The following STRBP variants were observed in gnomAD, a reference collection of about 807,000 sequenced individuals.
The protein encoded by STRBP is spermatid perinuclear RNA-binding protein.
In STRBP, 13 loss-of-function variants were observed where a neutral mutation model predicts 80.1. The observed-to-expected ratio is 0.16, with a 90% CI of 0.11 to 0.26. The LOEUF (loss-of-function observed/expected upper bound fraction) is 0.26, where lower values mean the gene tolerates loss of function less well. STRBP is among the 10% of genes least tolerant of loss of function. STRBP has a pLI of 1.00. For missense variants in STRBP, 485 were observed against 815.2 expected (o/e 0.59, Z 4.93); for synonymous variants, 284 against 291.2 (o/e 0.98, Z 0.25).
rs71390418 is a variant in STRBP, at chr9:123,200,734, ATTTTTTTTTTT to A, written c.-164-16447_-164-16437del. On this transcript the variant is annotated intron_variant, in intron 2 of 18. Coordinates refer to ENST00000348403, the MANE Select transcript of STRBP (RefSeq NM_018387.5). Reference sequence around the variant, plus strand: ...AGGCGCCCCGCCACACACCCCGCTAATTTTTTTTTTTTTTTTTTTTTTTTTTTTAGTAGAGA... The same window carrying A: ...AGGCGCCCCGCCACACACCCCGCTAATTTTTTTTTTTTTTTTTAGTAGAGA... 2.9e-4 allele frequency among the ~76,000 whole-genome samples: 11 copies of A among 37,512 alleles called. 1 individual carries two copies. Among genetic ancestry groups the A allele is most frequent in the East Asian group, 1.7e-3 (2 of 1,180 alleles). 24.6% of individuals were successfully genotyped at this position (37,512 alleles called of 152,430 possible). A position where few individuals can be genotyped will look rare whatever the true frequency, so the allele number is the denominator to read the frequency against.
intron 2 of STRBP, among the ~76,000 whole-genome samples, chr9:123,190,842 TAA>T (rs144254632): frequency 0.015 from 2,273 of 152,306 alleles, 31 homozygotes; most frequent in South Asian, 0.06. Flanking sequence ...ATCCCTTTGC[TAA>T]AAGAGGCAGT....
chr9:123,186,825 T>A (rs1349271327), intron 2 of STRBP, among the ~76,000 whole-genome samples: 89 of 142,278 alleles, frequency 6.3e-4, no homozygotes, highest in African/African-American at 2.2e-3. Flanking sequence ...TTTCTTTTTT[T>A]AAAAAAAAAA....
chr9:123,128,322 C>G, intron 17 of STRBP, 64 bp from the exon 18 acceptor site: 2 of 1,587,540 alleles, frequency 1.3e-6, no homozygotes, highest in Non-Finnish European at 1.7e-6. Flanking sequence ...TGGCCCAATT[C>G]ACAAGCACCA....
intron 4 of STRBP, among the ~76,000 whole-genome samples, 198 bp downstream of exon 4, chr9:123,178,809 T>C (rs1378281649): frequency 6.6e-6 from 1 of 152,208 alleles, no homozygotes; most frequent in African/African-American, 2.4e-5. Context: ...TTTCTCTGGC[T>C]CTAATCTTTA....
chr9:123,199,745 T>C (rs1294640847), intron 2 of STRBP, among the ~76,000 whole-genome samples: 2 of 152,222 alleles, frequency 1.3e-5, no homozygotes, highest in African/African-American at 4.8e-5. Context: ...ACTGAGAGTT[T>C]ACTGAATTTG....
rs1477164991 is a variant in STRBP, at chr9:123,126,984, A to G, written c.1942+1230T>C. On this transcript the variant is annotated intron_variant, in intron 18 of 18. Coordinates refer to ENST00000348403, the MANE Select transcript of STRBP (RefSeq NM_018387.5). The surrounding 1 kb of genome is among the most constrained non-coding windows in gnomAD (Gnocchi z 4.4). Reference sequence around the variant, plus strand: ...ATTAGTCTCCAATTCCTAGTTACCCATACGGCTCAGTTCAAAATATGGGGA... The same window carrying G: ...ATTAGTCTCCAATTCCTAGTTACCCGTACGGCTCAGTTCAAAATATGGGGA... Among the ~76,000 whole-genome samples the G allele has an allele frequency of 6.6e-6, 1 of 152,204 alleles. No homozygotes were observed. Among genetic ancestry groups the G allele is most frequent in the African/African-American group, 2.4e-5 (1 of 41,458 alleles).
intron 3 of STRBP, chr9:123,111,660 C>T (rs997715133): frequency 2.1e-6 from 1 of 471,116 alleles, no homozygotes. Context: ...ACAGGAAAGG[C>T]CACACCTGGC....
At chr9:123,202,198 A>G (rs2039351893) in intron 2 of STRBP, among the ~76,000 whole-genome samples, 1 of 152,186 alleles carries the variant, frequency 6.6e-6, no homozygotes, top group Non-Finnish European at 1.5e-5. Flanking sequence ...AGGTGGAGCT[A>G]GTTTAGGCCA....
chr9:123,214,951 C>T lies in STRBP; in HGVS notation c.-165+21879G>A, dbSNP rs749666509. On this transcript the variant is annotated intron_variant, in intron 2 of 18. Coordinates refer to ENST00000348403, the MANE Select transcript of STRBP (RefSeq NM_018387.5). ...AGTTTCTGGTGTCCACATTTTTGCT[C>T]CTCTTGTTAATAATCACTTGGTATG... 3.2e-4 allele frequency among the ~76,000 whole-genome samples: 48 copies of T among 152,094 alleles called. 1 individual carries two copies. Among genetic ancestry groups the T allele is most frequent in the Admixed American group, 3.1e-3 (47 of 15,276 alleles).
At position 123,124,369 on chromosome 9, in the gene STRBP, A is replaced by T. The variant is rs1167032755; in HGVS notation, c.*1228T>A. 2 of 985,346 alleles carry T rather than the reference A, an allele frequency of 2.0e-6. No individual in the cohort carries two copies. Among genetic ancestry groups the T allele is most frequent in the African/African-American group, 3.5e-5 (2 of 57,234 alleles). The allele number at this position is 985,346 out of a possible 1,614,324, so 61.0% of individuals were successfully genotyped here. ...CATCATTGGCTTTCCAAACAAGGTG[A>T]GAATGCAAGTGGAGGACTTAGGTCT... On this transcript the variant is annotated 3_prime_UTR_variant, in exon 19 of 19. Coordinates refer to ENST00000348403, the MANE Select transcript of STRBP (RefSeq NM_018387.5).
intron 2 of STRBP, 56 bp from the exon 3 acceptor site, chr9:123,184,354 T>C (rs2038612059): frequency 2.4e-6 from 1 of 420,826 alleles, no homozygotes; most frequent in African/African-American, 2.0e-5. Context: ...TAGCTTCCAA[T>C]ATGAGTGTGC....
chr9:123,225,875 A>G (rs941896893), intron 2 of STRBP, among the ~76,000 whole-genome samples: 22 of 152,232 alleles, frequency 1.4e-4, no homozygotes, highest in Admixed American at 1.3e-4. Flanking sequence ...AAAAAAGCTA[A>G]TAACTTTGAA....
chr9:123,215,548 A>C (rs933503152), intron 2 of STRBP, among the ~76,000 whole-genome samples: 7 of 152,190 alleles, frequency 4.6e-5, no homozygotes, highest in Admixed American at 4.6e-4. Flanking sequence ...AATCCCAAAA[A>C]TTTGGGAGGC....
At chr9:123,158,453 T>G (rs746042885) in intron 9 of STRBP, 24 bp from the exon 10 acceptor site, 1 of 1,602,876 alleles carries the variant, frequency 6.2e-7, no homozygotes, top group East Asian at 2.2e-5. Flanking sequence ...AAAACACAAG[T>G]ATCATTTAGA....
intron 18 of STRBP, among the ~76,000 whole-genome samples, chr9:123,127,019 C>G (rs752074887): frequency 2.0e-5 from 3 of 152,194 alleles, no homozygotes; most frequent in Non-Finnish European, 4.4e-5. Flanking sequence ...AAGCCTTGAC[C>G]ACACCCGAGT....
chr9:123,265,324 A>G (rs1308411534), intron 1 of STRBP, among the ~76,000 whole-genome samples: 2 of 152,190 alleles, frequency 1.3e-5, no homozygotes, highest in Non-Finnish European at 2.9e-5. Context: ...TGGCTGCATT[A>G]AGATACTTCC....
At chr9:123,221,586 CTG>C (rs1055482013) in intron 2 of STRBP, among the ~76,000 whole-genome samples, 1 of 152,230 alleles carries the variant, frequency 6.6e-6, no homozygotes, top group Non-Finnish European at 1.5e-5. Context: ...TGCTGTATCT[CTG>C]TGTTTTGTGA....
chr9:123,177,410 T>TC, intron 4 of STRBP, among the ~76,000 whole-genome samples: 1 of 152,018 alleles, frequency 6.6e-6, no homozygotes, highest in Middle Eastern at 3.4e-3. Context: ...CAAACGAAAT[T>TC]CTTTTTTTTT....
In STRBP at chr9:123,169,893, C is replaced by T. The variant is rs766327861; in HGVS notation, c.535+9G>A. Reference sequence around the variant, plus strand: ...ATATACATATATATATATATATATACATGTGTACCTCCATCCTTCTTCTCC... The same window carrying T: ...ATATACATATATATATATATATATATATGTGTACCTCCATCCTTCTTCTCC... On this transcript the variant is annotated intron_variant, in intron 6 of 18. Transcript: ENST00000348403. 97 of 1,244,176 alleles carry T rather than the reference C, an allele frequency of 7.8e-5. No individual in the cohort carries two copies. The highest frequency in any genetic ancestry group is 2.6e-4 in the South Asian group (16 of 61,274). 77.1% of individuals were successfully genotyped at this position (1,244,176 alleles called of 1,614,324 possible).
Sources: gnomAD v4.1 joint callset for allele counts (sites outside exome capture counted in the v4.1 genomes callset) on GRCh38, gnomAD v4.1.1 for gene constraint, Gnocchi (gnomAD v3.1) non-coding constraint, MANE v1.5 for transcripts, NCBI Gene and HGNC (gene_info 2026-07-23, HGNC 2026-07-21) for gene names.